The following CLDN18 variants were observed in gnomAD, a reference collection of about 807,000 sequenced individuals.
The protein encoded by CLDN18 is claudin-18.
A neutral mutation model predicts 25.0 loss-of-function variants in CLDN18; 20 were observed. The observed-to-expected ratio is 0.80, with a 90% confidence interval of 0.56 to 1.16. CLDN18 has a LOEUF of 1.16. Ranked by LOEUF, CLDN18 falls within the 50% of genes most tolerant of loss-of-function variation. CLDN18 has a pLI of 0.00. For synonymous variants in CLDN18, 125 were observed against 135.6 expected, an observed-to-expected ratio of 0.92 and a Z score of 0.54; for missense variants, 297 against 345.4, an observed-to-expected ratio of 0.86 and a Z score of 1.11.
chr3:138,004,497 C>T (rs1343393724), intron 1 of CLDN18, among the ~76,000 whole-genome samples: 2 of 151,496 alleles, frequency 1.3e-5, no homozygotes, highest in African/African-American at 2.4e-5. Flanking sequence ...GATGGGCTAA[C>T]GCTGCCAGAT....
chr3:138,017,509 T>G (rs1372158501), intron 1 of CLDN18, among the ~76,000 whole-genome samples: 2 of 152,196 alleles, frequency 1.3e-5, no homozygotes, highest in African/African-American at 2.4e-5. Flanking sequence ...TCACAAAACC[T>G]TCACAAAATC....
chr3:138,007,688 AAT>A (rs1396116496), upstream of CLDN18, among the ~76,000 whole-genome samples: 1 of 78,500 alleles, frequency 1.3e-5, no homozygotes, highest in East Asian at 3.8e-4. Context: ...TTTTAAATGA[AAT>A]AAATTTTTAA....
chr3:138,004,472 T>C (rs1942048056), intron 1 of CLDN18, among the ~76,000 whole-genome samples: 1 of 152,034 alleles, frequency 6.6e-6, no homozygotes, highest in Non-Finnish European at 1.5e-5. Flanking sequence ...TTTTTTTTTT[T>C]AAGTATAATA....
upstream of CLDN18, among the ~76,000 whole-genome samples, chr3:138,005,334 T>G (rs1942058375): frequency 1.3e-5 from 2 of 152,182 alleles, no homozygotes; most frequent in Admixed American, 6.5e-5. Flanking sequence ...AGTGGTTTGC[T>G]GCACCCATTA....
At chr3:138,004,672 G>C (rs1324078942) in intron 1 of CLDN18, 1 of 151,856 alleles carries the variant, frequency 6.6e-6, no homozygotes, top group African/African-American at 2.4e-5. Context: ...AGTTTATTTA[G>C]TTAATGTTGC....
In CLDN18 at chr3:138,032,111, GT is replaced by G. The variant is rs1406825807; in HGVS notation, c.*971del. The G allele has an allele frequency of 1.3e-5, 2 of 152,158 alleles. No individual in the cohort carries two copies. The highest frequency in any genetic ancestry group is 2.9e-5 in the Non-Finnish European group (2 of 68,044). 9.4% of individuals were successfully genotyped at this position (152,158 alleles called of 1,614,324 possible). On this transcript the variant is annotated 3_prime_UTR_variant, in exon 5 of 5. Transcript: ENST00000183605. ...TGGCTCTGATTGTACATGATAGTAA[GT>G]GTAAGCCATGTAAAAAGTAAATAAT...
At chr3:138,018,100 T>C (rs1260731962) in intron 1 of CLDN18, among the ~76,000 whole-genome samples, 1 of 152,178 alleles carries the variant, frequency 6.6e-6, no homozygotes, top group East Asian at 1.9e-4. Context: ...GCATCTCACC[T>C]TAGAGGATGT....
chr3:137,999,971 GA>G (rs1445721372), intron 1 of CLDN18, among the ~76,000 whole-genome samples: 3 of 152,150 alleles, frequency 2.0e-5, no homozygotes, highest in African/African-American at 7.2e-5. Flanking sequence ...GAAGTCTTGA[GA>G]GGGGCATTGA....
At chr3:138,018,408 C>T (rs1942233964) in intron 1 of CLDN18, among the ~76,000 whole-genome samples, 2 of 144,734 alleles carry the variant, frequency 1.4e-5, no homozygotes, top group South Asian at 4.4e-4. Flanking sequence ...GGGATCTCGG[C>T]TCACTGCAAG....
At chr3:138,000,531 TTTGG>T (rs953082345) in intron 1 of CLDN18, among the ~76,000 whole-genome samples, 2 of 151,430 alleles carry the variant, frequency 1.3e-5, no homozygotes, top group Admixed American at 6.6e-5. Flanking sequence ...AGGTTGGTTG[TTTGG>T]TTGGTTGGTT....
intron 1 of CLDN18, among the ~76,000 whole-genome samples, chr3:138,012,765 C>A (rs1254006952): frequency 6.6e-6 from 1 of 152,180 alleles, no homozygotes; most frequent in Admixed American, 6.5e-5. Flanking sequence ...CTTGTCGGCA[C>A]CGTAAATTCC....
upstream of CLDN18, among the ~76,000 whole-genome samples, chr3:138,006,337 T>C (rs564197889): frequency 2.0e-5 from 3 of 152,324 alleles, no homozygotes; most frequent in East Asian, 1.9e-4. Flanking sequence ...CTAATTACCA[T>C]AGACAGTGTT....
intron 1 of CLDN18, among the ~76,000 whole-genome samples, chr3:138,018,774 G>A (rs914916297): frequency 2.0e-5 from 3 of 152,194 alleles, no homozygotes; most frequent in Non-Finnish European, 4.4e-5. Flanking sequence ...CATAGCAGAG[G>A]TGAAGAGGAA....
At chr3:137,998,845 T>G (rs376871875) in exon 1 of CLDN18, 23 of 1,610,782 alleles carry the variant, frequency 1.4e-5, no homozygotes, top group Non-Finnish European at 1.9e-5. Flanking sequence ...GTCGTGTGGC[T>G]CTGTGTCGAC....
Position 138,003,835 on chromosome 3 carries a change from G to T in CLDN18, c.220+4747G>T, listed in dbSNP as rs974832050. Among the ~76,000 whole-genome samples, 4 of 152,064 alleles carry T rather than the reference G, an allele frequency of 2.6e-5. No homozygotes were observed. In the East Asian group the frequency reaches 7.7e-4, roughly 29 times the overall value. ...AGGAATAATAAAAAAATTTTTTAAA[G>T]AAATTAATATATGCCTGTATTAATA... On this transcript the variant is annotated intron_variant, in intron 1 of 4. Coordinates refer to the CLDN18 transcript ENST00000343735.
At chr3:138,018,734 T>C (rs1011934770) in intron 1 of CLDN18, among the ~76,000 whole-genome samples, 3 of 152,150 alleles carry the variant, frequency 2.0e-5, no homozygotes, top group Non-Finnish European at 2.9e-5. Flanking sequence ...TTTCAACATA[T>C]AAATTTTGGA....
upstream of CLDN18, among the ~76,000 whole-genome samples, chr3:138,006,929 A>G (rs766548155): frequency 2.6e-5 from 4 of 152,132 alleles, no homozygotes; most frequent in Non-Finnish European, 5.9e-5. Context: ...TCTGAATAAC[A>G]TTTTTCCCTA....
Position 138,010,295 on chromosome 3 carries a change from GC to G in CLDN18, c.72del (p.Thr25ProfsTer30), listed in dbSNP as rs775953600. On this transcript the variant is annotated frameshift_variant, in exon 1 of 5. Coordinates refer to ENST00000183605, the MANE Select transcript of CLDN18 (RefSeq NM_016369.4). LOFTEE classifies it high-confidence loss of function. ...SILGLAGCIA[A>X]TGMDMWSTQD... ...CCTGGGGCTGGCCGGCTGCATCGCG[GC>G]CACCGGGATGGACATGTGGAGCACC... 15 of 1,614,174 alleles carry G rather than the reference GC, an allele frequency of 9.3e-6. No individual in the cohort carries two copies. In the South Asian group the frequency reaches 1.6e-4, roughly 18 times the overall value.
intron 1 of CLDN18, among the ~76,000 whole-genome samples, chr3:138,002,639 A>T (rs2107873975): frequency 6.6e-6 from 1 of 152,322 alleles, no homozygotes; most frequent in South Asian, 2.1e-4. Context: ...GAATTTTTAA[A>T]TTTCCATTGA....
Sources: gnomAD v4.1 joint callset for allele counts (sites outside exome capture counted in the v4.1 genomes callset) on GRCh38, gnomAD v4.1.1 for gene constraint, MANE v1.5 for transcripts, NCBI Gene and HGNC (gene_info 2026-07-23, HGNC 2026-07-21) for gene names.